Variants in SCN11A observed in about 807,000 individuals in gnomAD.
SCN11A encodes sodium channel protein type 11 subunit alpha.
SCN11A carries 122 observed loss-of-function variants against 162.2 expected under a neutral mutation model. The ratio of observed to expected loss-of-function variants is 0.75; its 90% CI spans 0.65 to 0.87. The LOEUF (loss-of-function observed/expected upper bound fraction) is 0.87, where lower values mean the gene tolerates loss of function less well. Among genes scored for constraint, SCN11A ranks in the 40% least tolerant of loss-of-function variants. The pLI, the probability that SCN11A is intolerant of heterozygous loss-of-function variation, is 0.00. For missense variants in SCN11A, 2,015 were observed against 2,181.6 expected, an observed-to-expected ratio of 0.92 and a Z score of 1.52; for synonymous variants, 758 against 751.5, an observed-to-expected ratio of 1.01 and a Z score of -0.14.
At chr3:38,908,264 G>T (rs550519117) in intron 13 of SCN11A, 142 bp from the exon 14 acceptor site, 2 of 698,794 alleles carry the variant, frequency 2.9e-6, no homozygotes, top group Admixed American at 5.9e-5. Context: ...CCTGGACTAC[G>T]CTAGCTCTGT....
intron 17 of SCN11A, among the ~76,000 whole-genome samples, chr3:38,898,015 G>A (rs916696810): frequency 2.0e-5 from 3 of 152,032 alleles, no homozygotes; most frequent in African/African-American, 4.8e-5. Flanking sequence ...GTGGGTGATC[G>A]CTTGAGCACA....
chr3:39,049,677 AT>A, intron 1 of SCN11A, among the ~76,000 whole-genome samples: 1 of 152,168 alleles, frequency 6.6e-6, no homozygotes, highest in Non-Finnish European at 1.5e-5. Flanking sequence ...TTATTTCATG[AT>A]TCTACTGAGC....
Position 39,032,411 on chromosome 3 carries a change from T to C in SCN11A, c.-311A>G, listed in dbSNP as rs896550004. 6.6e-6 allele frequency among the ~76,000 whole-genome samples: 1 copy of C among 152,116 alleles called. No homozygotes were observed. The highest frequency in any genetic ancestry group is 1.5e-5 in the Non-Finnish European group (1 of 68,026). Reference sequence around the variant, plus strand: ...CCTCTGGTAAACAAGATGCCAACTCTAGGGTACGGTGGAAAGACATACTGG... The same window carrying C: ...CCTCTGGTAAACAAGATGCCAACTCCAGGGTACGGTGGAAAGACATACTGG... On this transcript the variant is annotated 5_prime_UTR_variant, in exon 2 of 30. Transcript: ENST00000302328.
At chr3:38,881,520 T>C (rs1259007672) in intron 22 of SCN11A, among the ~76,000 whole-genome samples, 3 of 152,164 alleles carry the variant, frequency 2.0e-5, no homozygotes, top group African/African-American at 7.2e-5. Context: ...TTCCACATTA[T>C]ATCTAGGCCA....
intron 2 of SCN11A, among the ~76,000 whole-genome samples, chr3:39,010,025 C>T (rs1358443213): frequency 6.6e-6 from 1 of 151,788 alleles, no homozygotes; most frequent in East Asian, 1.9e-4. Context: ...ATGATATTGT[C>T]TAATCAAAGG....
chr3:38,937,818 G>A (rs868043053), intron 7 of SCN11A, among the ~76,000 whole-genome samples: 19 of 152,252 alleles, frequency 1.2e-4, no homozygotes, highest in Admixed American at 2.0e-4. Context: ...GGAAGTCAGT[G>A]TGGCGATTCC....
chr3:38,956,870 C>G (rs1304292089), intron 3 of SCN11A, among the ~76,000 whole-genome samples: 6 of 152,070 alleles, frequency 3.9e-5, no homozygotes, highest in African/African-American at 1.4e-4. Flanking sequence ...AGTCAAGACA[C>G]TCTATGAAAG....
At position 38,863,278 on chromosome 3, in the gene SCN11A, TA is replaced by T; in HGVS notation, c.3972del (p.Phe1324LeufsTer2). The T allele has an allele frequency of 6.2e-7, 1 of 1,600,522 alleles. No individual in the cohort carries two copies. The highest frequency in any genetic ancestry group is 8.6e-7 in the Non-Finnish European group (1 of 1,169,028). ...TAGTATTTCTTCTGTTCTTCTGTCA[TA>T]AAAATGTCTTGGCCACCTAAGTATA... ...QQKKLGGQDIFMTEEQKKYYN... is the reference protein window; with the variant it reads ...QQKKLGGQDIXMTEEQKKYYN... On this transcript the variant is annotated frameshift_variant, in exon 28 of 30. Coordinates refer to ENST00000302328, the MANE Select transcript of SCN11A (RefSeq NM_001349253.2). LOFTEE classifies it high-confidence loss of function.
chr3:38,963,511 G>A (rs1294092259), intron 2 of SCN11A, among the ~76,000 whole-genome samples: 1 of 145,656 alleles, frequency 6.9e-6, no homozygotes, highest in African/African-American at 2.5e-5. Flanking sequence ...TATATATGAT[G>A]GAGATACATA....
rs530246921 is a variant in SCN11A, at chr3:38,960,435, G to T, written c.-279-12C>A. 1.3e-5 allele frequency among the ~76,000 whole-genome samples: 2 copies of T among 152,312 alleles called. No individual in the cohort carries two copies. Among genetic ancestry groups the T allele is most frequent in the East Asian group, 3.9e-4 (2 of 5,180 alleles). Reference sequence around the variant, plus strand: ...GAGCGGCTTGGAGGCTGGGTGGAGAGTGTGGAGGAAGGCAAATGGGAAGAA... The same window carrying T: ...GAGCGGCTTGGAGGCTGGGTGGAGATTGTGGAGGAAGGCAAATGGGAAGAA... On this transcript the variant is annotated splice_polypyrimidine_tract_variant and intron_variant, in intron 2 of 29. Transcript: ENST00000302328.
chr3:39,011,736 T>C (rs1485359731), intron 2 of SCN11A, among the ~76,000 whole-genome samples: 2 of 152,300 alleles, frequency 1.3e-5, no homozygotes, highest in South Asian at 2.1e-4. Flanking sequence ...GATTTTCCTA[T>C]ATTTCCAAGG....
At position 38,926,870 on chromosome 3, in the gene SCN11A, T is replaced by C; in HGVS notation, c.550A>G (p.Ile184Val). ...CGAAGGAAAGAAAACTCATCCAGAA[T>C]GAAACCTCTTGCCAATATTTTAATC... ...ALIKILARGF[I>V]LDEFSFLRDP... The change falls in exon 8 of 30, where the codon ATT (isoleucine) becomes GTT (valine). Residue 184 changes from isoleucine to valine, a missense_variant. Ile to Val is a conservative substitution (Grantham distance 29). Coordinates refer to ENST00000302328, the MANE Select transcript of SCN11A (RefSeq NM_001349253.2). 6.2e-7 allele frequency: 1 copy of C among 1,613,294 alleles called. No individual in the cohort carries two copies. The highest frequency in any genetic ancestry group is 2.2e-5 in the East Asian group (1 of 44,876).
At chr3:38,968,032 A>T (rs1374621687) in intron 2 of SCN11A, among the ~76,000 whole-genome samples, 1 of 152,200 alleles carries the variant, frequency 6.6e-6, no homozygotes, top group Admixed American at 6.5e-5. Context: ...GGCAGAGAAC[A>T]GGGGTGTCAC....
Position 38,893,416 on chromosome 3 carries a change from A to T in SCN11A, c.2835+1117T>A, listed in dbSNP as rs541066696. 2.0e-4 allele frequency among the ~76,000 whole-genome samples: 30 copies of T among 152,326 alleles called. 1 individual carries two copies. In the South Asian group the frequency reaches 6.0e-3, roughly 31 times the overall value. ...AAGAAACAGACAATTCACAATAAAC[A>T]TTGGAGATCTCAATACCTTATTTTC... On this transcript the variant is annotated intron_variant, in intron 19 of 29. Transcript: ENST00000302328.
chr3:38,996,725 T>C (rs755268352), intron 2 of SCN11A, among the ~76,000 whole-genome samples: 3 of 152,176 alleles, frequency 2.0e-5, no homozygotes, highest in Non-Finnish European at 4.4e-5. Context: ...ATTGCGAAGA[T>C]GGCAACAAAT....
At chr3:38,895,151 A>G (rs2065575272) in intron 18 of SCN11A, among the ~76,000 whole-genome samples, 187 bp from the exon 19 acceptor site, 1 of 152,146 alleles carries the variant, frequency 6.6e-6, no homozygotes, top group African/African-American at 2.4e-5. Context: ...AAACAGTAAG[A>G]CAGAATAAAA....
intron 19 of SCN11A, among the ~76,000 whole-genome samples, chr3:38,893,375 T>C (rs574562061): frequency 6.6e-5 from 10 of 152,116 alleles, no homozygotes; most frequent in African/African-American, 2.2e-4. Context: ...GAAATGAAAA[T>C]TGACATAACT....
intron 3 of SCN11A, among the ~76,000 whole-genome samples, chr3:38,954,638 A>G (rs2066659612): frequency 6.6e-6 from 1 of 151,882 alleles, no homozygotes; most frequent in African/African-American, 2.4e-5. Flanking sequence ...AAAAAAACAA[A>G]CAAACAAACA....
intron 1 of SCN11A, among the ~76,000 whole-genome samples, chr3:39,044,559 C>T (rs2032141572): frequency 6.6e-6 from 1 of 152,034 alleles, no homozygotes; most frequent in Non-Finnish European, 1.5e-5. Flanking sequence ...AAATAACATG[C>T]TCCTGAATGA....
Sources: allele counts gnomAD v4.1 joint callset (sites outside exome capture counted in the v4.1 genomes callset), GRCh38; gene constraint gnomAD v4.1.1; transcripts MANE v1.5; gene names NCBI Gene and HGNC (gene_info 2026-07-23, HGNC 2026-07-21).